Variants in CALN1 observed in about 807,000 individuals in gnomAD.
CALN1 encodes calneuron 1.
CALN1 carries 17 observed loss-of-function variants against 30.6 expected under a neutral mutation model. That is an observed-to-expected ratio of 0.56 (90% CI 0.38 to 0.83). The LOEUF (loss-of-function observed/expected upper bound fraction) is 0.83. CALN1 is among the 40% of genes least tolerant of loss of function. CALN1 has a pLI of 0.00. For synonymous variants in CALN1, 156 were observed against 131.4 expected, an observed-to-expected ratio of 1.19 and a Z score of -1.28; for missense variants, 291 against 354.9, an observed-to-expected ratio of 0.82 and a Z score of 1.45.
chr7:72,213,397 C>G (rs941126094), intron 3 of CALN1, among the ~76,000 whole-genome samples: 9 of 152,110 alleles, frequency 5.9e-5, no homozygotes, highest in Non-Finnish European at 1.0e-4. Context: ...GAAGGCACAT[C>G]TACAGAAGCA....
At chr7:71,934,458 A>C (rs1795725337) in intron 5 of CALN1, among the ~76,000 whole-genome samples, 1 of 152,200 alleles carries the variant, frequency 6.6e-6, no homozygotes, top group Admixed American at 6.5e-5. Context: ...GCCTGTATCT[A>C]CTTGGCTTCT....
chr7:72,378,549 C>CA (rs1218281870), intron 2 of CALN1, among the ~76,000 whole-genome samples: 1 of 152,288 alleles, frequency 6.6e-6, no homozygotes, highest in Non-Finnish European at 1.5e-5. Context: ...TTAATCACTT[C>CA]AAGTAGAATG....
intron 3 of CALN1, among the ~76,000 whole-genome samples, chr7:72,230,965 A>T (rs1028312105): frequency 6.6e-6 from 1 of 152,140 alleles, no homozygotes; most frequent in Non-Finnish European, 1.5e-5. Flanking sequence ...ATGCCATTCC[A>T]AGGAGCGTGA....
At chr7:72,464,804 G>A in the CALN1 span, among the ~76,000 whole-genome samples, 8 of 152,156 alleles carry the variant, frequency 5.3e-5, no homozygotes, top group Non-Finnish European at 5.9e-5. Context: ...TTTTAGTCCT[G>A]GGGACAGATG....
chr7:72,094,642 G>A (rs1043418471), intron 4 of CALN1, among the ~76,000 whole-genome samples: 5 of 152,008 alleles, frequency 3.3e-5, no homozygotes, highest in South Asian at 4.1e-4. Context: ...AATTCAACAC[G>A]GTCAGTGTTA....
At chr7:72,501,928 AATAT>A in the CALN1 span, among the ~76,000 whole-genome samples, 2 of 57,968 alleles carry the variant, frequency 3.5e-5, no homozygotes, top group African/African-American at 9.9e-5. Flanking sequence ...AAAAAAAAAA[AATAT>A]ATATATATAT....
At chr7:72,285,439 T>A (rs888309565) in intron 2 of CALN1, among the ~76,000 whole-genome samples, 3 of 152,056 alleles carry the variant, frequency 2.0e-5, no homozygotes, top group Non-Finnish European at 4.4e-5. Flanking sequence ...GAGATGGGGT[T>A]TCACCGTGTT....
At chr7:72,055,185 T>G (rs1298299214) in intron 4 of CALN1, among the ~76,000 whole-genome samples, 2 of 152,032 alleles carry the variant, frequency 1.3e-5, no homozygotes, top group African/African-American at 2.4e-5. Flanking sequence ...AATCAGGAAG[T>G]GGAAATCAGA....
chr7:72,473,939 A>G, the CALN1 span, among the ~76,000 whole-genome samples: 97 of 150,782 alleles, frequency 6.4e-4, no homozygotes, highest in Middle Eastern at 6.8e-3. Context: ...AAAAAAAAAA[A>G]AAAGAAAGAA....
chr7:72,054,534 T>TATAC (rs1295997478), intron 4 of CALN1, among the ~76,000 whole-genome samples: 15 of 118,682 alleles, frequency 1.3e-4, no homozygotes, highest in African/African-American at 4.4e-4. Context: ...TATACATACA[T>TATAC]ATATATATAC....
chr7:71,918,352 G>C (rs1486972032), intron 5 of CALN1, among the ~76,000 whole-genome samples: 1 of 152,154 alleles, frequency 6.6e-6, no homozygotes, highest in African/African-American at 2.4e-5. Flanking sequence ...GTGTGAATCA[G>C]GATTTCTCAA....
Position 72,255,247 on chromosome 7 carries a change from G to A in CALN1, c.244+23439C>T, listed in dbSNP as rs372527599. 3.5e-4 allele frequency among the ~76,000 whole-genome samples: 53 copies of A among 151,034 alleles called. 1 individual carries two copies. The South Asian group carries it at 5.5e-3, about 16-fold the overall frequency. On this transcript the variant is annotated intron_variant, in intron 3 of 6. Transcript: ENST00000395275. The stretch of plus-strand genomic sequence containing the variant: ...ATTACAGGTGCCCGCCACCACACCC[G>A]GCTAATTCTGTTTGTTTATATTTTT...
At chr7:71,813,743 C>G (rs1295094445) in intron 5 of CALN1, among the ~76,000 whole-genome samples, 1 of 152,006 alleles carries the variant, frequency 6.6e-6, no homozygotes, top group Admixed American at 6.6e-5. Flanking sequence ...TCCTGGCTAA[C>G]ATGGTGAAAC....
chr7:72,220,225 T>C (rs1353600390), intron 3 of CALN1, among the ~76,000 whole-genome samples: 1 of 126,536 alleles, frequency 7.9e-6, no homozygotes, highest in Non-Finnish European at 1.6e-5. Flanking sequence ...TGGAGTGTGA[T>C]GTTCCCCTTC....
At chr7:71,946,517 G>A (rs897653198) in intron 5 of CALN1, among the ~76,000 whole-genome samples, 5 of 151,810 alleles carry the variant, frequency 3.3e-5, no homozygotes, top group African/African-American at 1.2e-4. Context: ...ACAGGTGCAC[G>A]CCAACAGACT....
At chr7:72,339,745 C>G (rs1352084956) in intron 2 of CALN1, among the ~76,000 whole-genome samples, 1 of 152,158 alleles carries the variant, frequency 6.6e-6, no homozygotes, top group Non-Finnish European at 1.5e-5. Context: ...TCTTACATGG[C>G]AGCAAGCAAG....
chr7:72,348,580 AGTT>A (rs1443487019), intron 2 of CALN1, among the ~76,000 whole-genome samples: 1 of 152,234 alleles, frequency 6.6e-6, no homozygotes, highest in Non-Finnish European at 1.5e-5. Context: ...GTTAGTGGAG[AGTT>A]GTTAAGTCGA....
At chr7:71,808,375 T>C (rs1298283808) in intron 6 of CALN1, among the ~76,000 whole-genome samples, 1 of 151,384 alleles carries the variant, frequency 6.6e-6, no homozygotes, top group Non-Finnish European at 1.5e-5. Flanking sequence ...TAATAAACAT[T>C]AATAATTATT....
chr7:72,346,638 C>A (rs890278088), intron 2 of CALN1, among the ~76,000 whole-genome samples: 1 of 152,122 alleles, frequency 6.6e-6, no homozygotes, highest in Non-Finnish European at 1.5e-5. Context: ...GCCTCAGCCT[C>A]CCGAGTAGTT....
Sources: gnomAD v4.1 joint callset for allele counts (sites outside exome capture counted in the v4.1 genomes callset) on GRCh38, gnomAD v4.1.1 for gene constraint, MANE v1.5 for transcripts, NCBI Gene and HGNC (gene_info 2026-07-23, HGNC 2026-07-21) for gene names.